Variants in SLF2 observed in about 807,000 individuals in gnomAD.
SLF2 encodes SMC5-SMC6 complex localization factor protein 2.
SLF2 carries 68 observed loss-of-function variants against 124.3 expected under a neutral mutation model. The observed-to-expected ratio is 0.55, with a 90% CI of 0.45 to 0.67. SLF2 has a LOEUF of 0.67. Ranked by LOEUF, SLF2 falls within the 30% of genes least tolerant of loss-of-function variation. The pLI, the probability that SLF2 is intolerant of heterozygous loss-of-function variation, is 0.00. For synonymous variants in SLF2, 480 were observed against 478.8 expected, an observed-to-expected ratio of 1.00 and a Z score of -0.03; for missense variants, 1,246 against 1,373.7, an observed-to-expected ratio of 0.91 and a Z score of 1.47.
rs775944288 is a variant in SLF2 at position 100,917,035 on chromosome 10, G to C, written c.650G>C (p.Ser217Thr). The C allele has an allele frequency of 6.2e-7, 1 of 1,614,182 alleles. No homozygotes were observed. Among genetic ancestry groups the C allele is most frequent in the South Asian group, 1.1e-5 (1 of 91,080 alleles). The change falls in exon 3 of 20, where the codon AGC becomes ACC. Residue 217 changes from serine (S) to threonine (T), a missense_variant. By Grantham distance (58) the Ser-to-Thr change is moderately conservative. Transcript: ENST00000238961. ...DIFNNSSRSL[S>T]SRSSLSRHHP... ...TTCAATAACAGCTCCAGAAGCCTTA[G>C]CAGCAGGAGCAGCCTGTCCAGGCAC...
At position 100,964,704 on chromosome 10, in the gene SLF2, A is replaced by G. The variant is rs550704631; in HGVS notation, c.*2792A>G. The G allele has an allele frequency of 1.3e-5, 2 of 152,686 alleles. No individual in the cohort carries two copies. Among genetic ancestry groups the G allele is most frequent in the East Asian group, 3.9e-4 (2 of 5,192 alleles). 9.5% of individuals were successfully genotyped at this position (152,686 alleles called of 1,614,324 possible). Reference sequence around the variant, plus strand: ...TTTGCATTTTTATTTTTATCAAAACAAATATAATTGGTGGGGACTGGCCAG... The same window carrying G: ...TTTGCATTTTTATTTTTATCAAAACGAATATAATTGGTGGGGACTGGCCAG... On this transcript the variant is annotated 3_prime_UTR_variant, in exon 20 of 20. Coordinates refer to ENST00000238961, the MANE Select transcript of SLF2 (RefSeq NM_018121.4).
chr10:100,934,918 G>C (rs984680686), intron 9 of SLF2, among the ~76,000 whole-genome samples: 1 of 151,706 alleles, frequency 6.6e-6, no homozygotes, highest in South Asian at 2.1e-4. Flanking sequence ...CACTGTGCTC[G>C]GCAACCCTTT....
rs148875531 is a variant in SLF2, at chr10:100,917,238, C to T, written c.853C>T (p.Pro285Ser). 1.0e-4 allele frequency: 164 copies of T among 1,613,602 alleles called. No homozygotes were observed. The African/African-American group carries it at 2.0e-3, about 20-fold the overall frequency. Residue 285 changes from proline (P) to serine (S), a missense_variant, in exon 3 of 20, where the codon CCA (proline) becomes TCA (serine). By Grantham distance (74) the Pro-to-Ser change is moderately conservative. Transcript: ENST00000238961. Reference protein sequence around the residue: ...LKSSIERKYKPRQEQRKQNDI... With the variant: ...LKSSIERKYKSRQEQRKQNDI... ...ATCTAGTATAGAAAGAAAATATAAA[C>T]CAAGGCAGGAACAAAGGAAACAGAA...
At chr10:100,947,928 A>G in intron 15 of SLF2, 81 bp downstream of exon 15, 1 of 1,014,976 alleles carries the variant, frequency 9.9e-7, no homozygotes, top group East Asian at 2.5e-5. Flanking sequence ...CCCTAAGTCA[A>G]AGGTCCTGGG....
chr10:100,946,391 G>A (rs1850104148), intron 13 of SLF2, among the ~76,000 whole-genome samples: 2 of 148,332 alleles, frequency 1.3e-5, no homozygotes, highest in Admixed American at 6.8e-5. Flanking sequence ...CAGTGGCGCA[G>A]TCTTGTCTCA....
chr10:100,931,099 G>C, intron 9 of SLF2, 21 bp downstream of exon 9: 1 of 1,533,118 alleles, frequency 6.5e-7, no homozygotes, highest in South Asian at 1.2e-5. Context: ...TGTTTAGAGG[G>C]TTATAGTTGC....
At chr10:100,952,137 G>A (rs1056322559) in intron 17 of SLF2, among the ~76,000 whole-genome samples, 2 of 151,942 alleles carry the variant, frequency 1.3e-5, no homozygotes, top group African/African-American at 4.8e-5. Context: ...CCAGCCACTC[G>A]GGAGGCTGAG....
chr10:100,938,782 G>A (rs550055350), intron 11 of SLF2, 46 bp downstream of exon 11: 217 of 1,503,754 alleles, frequency 1.4e-4, no homozygotes, highest in Non-Finnish European at 1.8e-4. Flanking sequence ...CATTTCGTAC[G>A]ACTTATATAT....
chr10:100,925,060 A>C, intron 5 of SLF2, 88 bp downstream of exon 5: 2 of 1,319,010 alleles, frequency 1.5e-6, no homozygotes, highest in South Asian at 2.9e-5. Context: ...CTTACTTTAA[A>C]ATTTAGTATT....
Position 100,924,394 on chromosome 10 carries a change from A to G in SLF2, c.1393A>G (p.Thr465Ala), listed in dbSNP as rs1399616422. ...NLQKNKTASS[T>A]TKEKETKLPL... ...TCAGAAAAATAAAACCGCTAGCTCC[A>G]CGACAAAGGAGAAGGAGACAAAACT... is the stretch of plus-strand genomic sequence containing the variant. Residue 465 changes from threonine to alanine, a missense_variant, in exon 5 of 20, where the codon ACG becomes GCG. Physicochemically the swap from Thr to Ala is moderately conservative, Grantham distance 58. This residue lies in a region of SLF2 where 698 missense variants were observed against 708.9 expected (regional missense o/e 0.98). Transcript: ENST00000238961. The G allele has an allele frequency of 1.9e-6, 3 of 1,614,204 alleles. No homozygotes were observed. Among genetic ancestry groups the G allele is most frequent in the Admixed American group, 3.3e-5 (2 of 60,026 alleles).
At chr10:100,945,280 G>GTAAAATA in intron 12 of SLF2, 50 bp from the exon 13 acceptor site, 1 of 1,435,858 alleles carries the variant, frequency 7.0e-7, no homozygotes, top group Non-Finnish European at 9.3e-7. Context: ...AACTCTAAAA[G>GTAAAATA]TAAAATATAC....
chr10:100,958,282 G>A (rs1275872790), intron 18 of SLF2, among the ~76,000 whole-genome samples: 1 of 152,114 alleles, frequency 6.6e-6, no homozygotes, highest in African/African-American at 2.4e-5. Context: ...TTTAACATAT[G>A]TATTTATTTT....
At chr10:100,928,963 TA>T (rs1272917761) in intron 6 of SLF2, among the ~76,000 whole-genome samples, 1 of 152,172 alleles carries the variant, frequency 6.6e-6, no homozygotes. Flanking sequence ...ATAATCAAAT[TA>T]GTGATGTTTA....
At position 100,946,167 on chromosome 10, in the gene SLF2, C is replaced by T. The variant is rs56196340; in HGVS notation, c.2934+661C>T. On this transcript the variant is annotated intron_variant, in intron 13 of 19. Transcript: ENST00000238961. ...GTAAGGCAAAGAGTATAATAAATTC[C>T]TAAGTATCACTTTGCTTCAATAATT... Among the ~76,000 whole-genome samples the T allele has an allele frequency of 5.8e-3, 876 of 152,132 alleles. 7 individuals carry two copies. Among genetic ancestry groups the T allele is most frequent in the African/African-American group, 0.02 (827 of 41,490 alleles).
intron 13 of SLF2, 80 bp from the exon 14 acceptor site, chr10:100,946,956 CAAG>C: frequency 9.3e-7 from 1 of 1,079,678 alleles, no homozygotes; most frequent in Non-Finnish European, 1.4e-6. Context: ...TCCATTATGT[CAAG>C]AAGGGTTGTA....
At position 100,924,649 on chromosome 10, in the gene SLF2, G is replaced by A; in HGVS notation, c.1648G>A (p.Gly550Ser). 1.2e-6 allele frequency: 2 copies of A among 1,614,044 alleles called. No homozygotes were observed. Among genetic ancestry groups the A allele is most frequent in the Non-Finnish European group, 1.7e-6 (2 of 1,180,018 alleles). ...TGGGGGACCTTTGCGCTCAGAATATGGCACTCCTACAAAGTCTCCCCCTGC... is the reference window on the plus strand; with the variant it reads ...TGGGGGACCTTTGCGCTCAGAATATAGCACTCCTACAAAGTCTCCCCCTGC... ...ISGGPLRSEY[G>S]TPTKSPPAAL... The change falls in exon 5 of 20, where the codon GGC becomes AGC. Residue 550 changes from glycine (G) to serine (S), a missense_variant. By Grantham distance (56) the Gly-to-Ser change is moderately conservative. Around this residue, in one of 3 missense-constraint regions of SLF2, gnomAD observed 698 missense variants for 708.9 expected, o/e 0.98. Transcript: ENST00000238961.
intron 6 of SLF2, chr10:100,926,224 A>G: frequency 1.3e-6 from 2 of 1,541,392 alleles, no homozygotes; most frequent in Non-Finnish European, 1.7e-6. Flanking sequence ...AGGCAAGATT[A>G]CTTGAGCCCA....
In SLF2 at chr10:100,962,598, CCT is replaced by C. The variant is rs765623053; in HGVS notation, c.*687_*688del. ...AGAGGTTAAGCTGTAAAGTAGTGGCCCTGTTTTGATGCCAGAACATTCATATG... is the reference window on the plus strand; with the variant it reads ...AGAGGTTAAGCTGTAAAGTAGTGGCCGTTTTGATGCCAGAACATTCATATG... On this transcript the variant is annotated 3_prime_UTR_variant, in exon 20 of 20. Coordinates refer to ENST00000238961, the MANE Select transcript of SLF2 (RefSeq NM_018121.4). 1 of 152,372 alleles carries C rather than the reference CCT, an allele frequency of 6.6e-6. No homozygotes were observed. The highest frequency in any genetic ancestry group is 1.5e-5 in the Non-Finnish European group (1 of 68,000). 9.4% of individuals were successfully genotyped at this position (152,372 alleles called of 1,614,324 possible).
At chr10:100,913,397 T>C in intron 1 of SLF2, 147 bp downstream of exon 1, 1 of 1,362,342 alleles carries the variant, frequency 7.3e-7, no homozygotes. Context: ...CCGCCCCGCC[T>C]CCGCGCAGGG....
Sources: allele counts gnomAD v4.1 joint callset (sites outside exome capture counted in the v4.1 genomes callset), GRCh38; gene constraint gnomAD v4.1.1; regional missense constraint gnomAD v4.1.1; transcripts MANE v1.5; gene names NCBI Gene and HGNC (gene_info 2026-07-23, HGNC 2026-07-21).